The following RIMS2 variants were observed in gnomAD, a reference collection of about 807,000 sequenced individuals.
RIMS2 encodes regulating synaptic membrane exocytosis protein 2.
Under a neutral mutation model 174.4 loss-of-function variants are expected in RIMS2, and 59 were observed. The observed-to-expected ratio is 0.34, with a 90% CI of 0.27 to 0.42. The LOEUF is 0.42. Among genes scored for constraint, RIMS2 ranks in the 10% least tolerant of loss-of-function variants. The pLI is 1.00. For missense variants in RIMS2, 1,620 were observed against 1,666.3 expected, an observed-to-expected ratio of 0.97 and a Z score of 0.48; for synonymous variants, 606 against 572.5, an observed-to-expected ratio of 1.06 and a Z score of -0.84.
At chr8:103,927,814 T>G (rs2079067349) in intron 10 of RIMS2, 1 of 1,562,696 alleles carries the variant, frequency 6.4e-7, no homozygotes, top group Non-Finnish European at 8.8e-7. Flanking sequence ...TTTGTTTTAT[T>G]GCTTTTTTCT....
intron 16 of RIMS2, among the ~76,000 whole-genome samples, chr8:103,977,706 C>T (rs1355935192): frequency 6.6e-6 from 1 of 152,118 alleles, no homozygotes; most frequent in East Asian, 1.9e-4. Context: ...ATTGCAAGTC[C>T]CAGATTGTGA....
chr8:103,843,992 A>G (rs2098954971), intron 3 of RIMS2, among the ~76,000 whole-genome samples: 1 of 152,154 alleles, frequency 6.6e-6, no homozygotes, highest in African/African-American at 2.4e-5. Context: ...ATGATAGCAA[A>G]TAAGTCTCAC....
chr8:104,175,804 C>A (rs938213864), intron 19 of RIMS2, among the ~76,000 whole-genome samples: 1 of 152,102 alleles, frequency 6.6e-6, no homozygotes, highest in Admixed American at 6.5e-5. Flanking sequence ...GAAGCATCAC[C>A]AAACGGGCCC....
intron 3 of RIMS2, among the ~76,000 whole-genome samples, chr8:103,841,746 C>T (rs2098940904): frequency 6.6e-6 from 1 of 152,044 alleles, no homozygotes; most frequent in Non-Finnish European, 1.5e-5. Context: ...TAAGAAATAG[C>T]TTTACATCGA....
At chr8:103,982,366 A>G (rs1250714965) in intron 16 of RIMS2, among the ~76,000 whole-genome samples, 2 of 151,976 alleles carry the variant, frequency 1.3e-5, no homozygotes, top group African/African-American at 4.8e-5. Context: ...AAAAATAAAG[A>G]AGGAGAGAAT....
chr8:104,076,649 A>G (rs1236211502), intron 19 of RIMS2, among the ~76,000 whole-genome samples: 1 of 152,252 alleles, frequency 6.6e-6, no homozygotes, highest in South Asian at 2.1e-4. Context: ...TAAAGACTAC[A>G]GAGTAGTATT....
chr8:103,681,199 C>T (rs1227471773), intron 1 of RIMS2, among the ~76,000 whole-genome samples: 3 of 151,992 alleles, frequency 2.0e-5, no homozygotes, highest in Non-Finnish European at 1.5e-5. Flanking sequence ...CATTTACCAG[C>T]TGTTTGACTA....
chr8:103,737,520 T>C (rs2139184393), intron 2 of RIMS2, among the ~76,000 whole-genome samples: 1 of 152,210 alleles, frequency 6.6e-6, no homozygotes, highest in South Asian at 2.1e-4. Context: ...CTTTGCTTCT[T>C]TCCTCCAACC....
intron 3 of RIMS2, among the ~76,000 whole-genome samples, chr8:103,778,351 G>A (rs2098342341): frequency 6.6e-6 from 1 of 151,902 alleles, no homozygotes; most frequent in African/African-American, 2.4e-5. Context: ...TCAAACACTA[G>A]GTCTTATTTC....
intron 19 of RIMS2, among the ~76,000 whole-genome samples, chr8:104,103,060 T>C (rs367595799): frequency 6.6e-6 from 1 of 152,144 alleles, no homozygotes; most frequent in South Asian, 2.1e-4. Context: ...GTAAAAAGGA[T>C]TGAACCACTG....
intron 19 of RIMS2, among the ~76,000 whole-genome samples, chr8:104,243,049 A>G (rs1430401044): frequency 6.6e-6 from 1 of 152,202 alleles, no homozygotes; most frequent in African/African-American, 2.4e-5. Flanking sequence ...TTTGAATTTT[A>G]TGTAAAATTT....
intron 19 of RIMS2, among the ~76,000 whole-genome samples, chr8:104,104,816 G>T (rs1279795976): frequency 6.6e-6 from 1 of 151,512 alleles, no homozygotes; most frequent in South Asian, 2.1e-4. Flanking sequence ...TGAGGCAAAG[G>T]CTGCAGTGAG....
chr8:103,528,998 A>G (rs4317536), intron 1 of RIMS2, among the ~76,000 whole-genome samples: 18,875 of 152,136 alleles, frequency 0.12, 1,271 homozygotes, highest in Middle Eastern at 0.22. Context: ...GGCCAGTTTC[A>G]CGATACTGAG....
intron 1 of RIMS2, among the ~76,000 whole-genome samples, chr8:103,549,441 G>C (rs1449511549): frequency 6.6e-6 from 1 of 152,084 alleles, no homozygotes; most frequent in African/African-American, 2.4e-5. Flanking sequence ...GTCAACACCA[G>C]GCCTACCTTA....
intron 2 of RIMS2, among the ~76,000 whole-genome samples, chr8:103,715,916 T>C (rs1403562760): frequency 6.6e-6 from 1 of 152,138 alleles, no homozygotes; most frequent in African/African-American, 2.4e-5. Context: ...ATTGTCTTTG[T>C]ATATAAAACT....
Position 103,936,723 on chromosome 8 carries a change from G to T in RIMS2, c.2547+1G>T. ...GGAAGAAAGTGAATTCTTAGGCGAGGTATCTGGAGTTGTTTTAAAGTTTAT... is the reference window on the plus strand; with the variant it reads ...GGAAGAAAGTGAATTCTTAGGCGAGTTATCTGGAGTTGTTTTAAAGTTTAT... On this transcript the variant is annotated splice_donor_variant, in intron 13 of 23. Coordinates refer to ENST00000504942, the Ensembl canonical transcript of RIMS2. LOFTEE classifies it high-confidence loss of function. The T allele has an allele frequency of 6.3e-7, 1 of 1,594,992 alleles. No homozygotes were observed. Among genetic ancestry groups the T allele is most frequent in the Non-Finnish European group, 8.5e-7 (1 of 1,172,472 alleles).
At chr8:103,577,478 G>T (rs912678338) in intron 1 of RIMS2, among the ~76,000 whole-genome samples, 1 of 152,148 alleles carries the variant, frequency 6.6e-6, no homozygotes, top group Non-Finnish European at 1.5e-5. Flanking sequence ...GGCAGCTAGG[G>T]GAGGGATAGC....
chr8:104,045,208 A>G (rs1401026023), intron 19 of RIMS2, among the ~76,000 whole-genome samples: 3 of 151,860 alleles, frequency 2.0e-5, no homozygotes, highest in Admixed American at 2.0e-4. Flanking sequence ...TGTATGTTTT[A>G]TGTTTAAACC....
intron 1 of RIMS2, among the ~76,000 whole-genome samples, chr8:103,682,730 C>A (rs577321828): frequency 6.4e-4 from 97 of 152,212 alleles, no homozygotes; most frequent in African/African-American, 2.2e-3. Flanking sequence ...TTAAAAAAAT[C>A]TTTCTTAGTA....
Sources: gnomAD v4.1 joint callset for allele counts (sites outside exome capture counted in the v4.1 genomes callset) on GRCh38, gnomAD v4.1.1 for gene constraint, MANE v1.5 for transcripts, NCBI Gene and HGNC (gene_info 2026-07-23, HGNC 2026-07-21) for gene names.